AK4: variants seen among roughly 807,000 people sequenced by gnomAD.
AK4 encodes the protein adenylate kinase 4.
In AK4, 13 loss-of-function variants were observed where a neutral mutation model predicts 24.6. The ratio of observed to expected loss-of-function variants is 0.53; its 90% CI spans 0.34 to 0.84. The LOEUF is 0.84. Among genes scored for constraint, AK4 ranks in the 40% least tolerant of loss-of-function variants. AK4 has a pLI of 0.01. For missense variants in AK4, 192 were observed against 288.2 expected, an observed-to-expected ratio of 0.67 and a Z score of 2.42; for synonymous variants, 88 against 107.0, an observed-to-expected ratio of 0.82 and a Z score of 1.10.
intron 1 of AK4, among the ~76,000 whole-genome samples, chr1:65,160,025 A>G (rs1650107662): frequency 6.6e-6 from 1 of 151,106 alleles, no homozygotes; most frequent in Non-Finnish European, 1.5e-5. Context: ...AGAAAGGTTG[A>G]GTAACTTGTC....
At chr1:65,207,326 C>G (rs948101875) in intron 2 of AK4, among the ~76,000 whole-genome samples, 3 of 152,120 alleles carry the variant, frequency 2.0e-5, no homozygotes, top group African/African-American at 4.8e-5. Flanking sequence ...AAGAAGTCCT[C>G]CCATCTCAGC....
chr1:65,223,165 AAATAAATGTTATTTTT>A (rs1320070095), intron 3 of AK4, among the ~76,000 whole-genome samples: 1 of 151,784 alleles, frequency 6.6e-6, no homozygotes, highest in African/African-American at 2.4e-5. Flanking sequence ...AGTTTCACTA[AAATAAATGTTATTTTT>A]TATTTTTTAT....
chr1:65,223,735 C>CT (rs1652367071), intron 3 of AK4, among the ~76,000 whole-genome samples: 1 of 152,078 alleles, frequency 6.6e-6, no homozygotes, highest in Non-Finnish European at 1.5e-5. Context: ...TGGCTTATGC[C>CT]TGTAATACCA....
chr1:65,161,808 A>G (rs572390895), intron 1 of AK4, among the ~76,000 whole-genome samples: 1 of 152,314 alleles, frequency 6.6e-6, no homozygotes, highest in East Asian at 1.9e-4. Flanking sequence ...CTTGTACCTG[A>G]TATCTTCTGG....
chr1:65,216,987 G>A (rs894738574), intron 2 of AK4, among the ~76,000 whole-genome samples: 2 of 152,154 alleles, frequency 1.3e-5, no homozygotes, highest in South Asian at 2.1e-4. Context: ...AGGTGTGAGC[G>A]ACTGTGCCTG....
chr1:65,185,090 C>T (rs1651052481), intron 1 of AK4, among the ~76,000 whole-genome samples: 1 of 152,186 alleles, frequency 6.6e-6, no homozygotes, highest in African/African-American at 2.4e-5. Context: ...TCTCAAGGGG[C>T]ACATGAAGGT....
intron 1 of AK4, among the ~76,000 whole-genome samples, chr1:65,169,630 G>T (rs1650444668): frequency 6.6e-6 from 1 of 151,934 alleles, no homozygotes; most frequent in African/African-American, 2.4e-5. Context: ...AAGTTTAAGG[G>T]GGCACCAAAA....
At chr1:65,232,144 AATTC>A (rs1161006550) in exon 5 of AK4, 1 of 152,204 alleles carries the variant, frequency 6.6e-6, no homozygotes, top group African/African-American at 2.4e-5. Context: ...ATAGCTAGCG[AATTC>A]ATTTGTTTGT....
chr1:65,156,106 T>G (rs1178243324), intron 1 of AK4, among the ~76,000 whole-genome samples: 2 of 152,240 alleles, frequency 1.3e-5, no homozygotes, highest in African/African-American at 4.8e-5. Flanking sequence ...TAAGTACTCA[T>G]GTATAATTCC....
intron 2 of AK4, among the ~76,000 whole-genome samples, chr1:65,196,995 T>A (rs1651491710): frequency 6.6e-6 from 1 of 152,084 alleles, no homozygotes; most frequent in African/African-American, 2.4e-5. Context: ...ACTCCCATTT[T>A]TAAAACTATC....
intron 1 of AK4, among the ~76,000 whole-genome samples, chr1:65,151,666 C>G (rs1190492032): frequency 6.6e-6 from 1 of 152,168 alleles, no homozygotes; most frequent in African/African-American, 2.4e-5. Context: ...TATTAAAGGC[C>G]TGGGTCACAA....
chr1:65,183,902 A>T (rs1651000477), intron 1 of AK4, among the ~76,000 whole-genome samples: 1 of 152,144 alleles, frequency 6.6e-6, no homozygotes, highest in Non-Finnish European at 1.5e-5. Context: ...ATAAATGTGG[A>T]CAGCTTTAAT....
chr1:65,179,294 C>T (rs774542672), intron 1 of AK4, among the ~76,000 whole-genome samples: 5 of 152,140 alleles, frequency 3.3e-5, no homozygotes, highest in Non-Finnish European at 2.9e-5. Context: ...AGCATGTATG[C>T]TAACATGCAA....
chr1:65,191,923 T>A (rs556759285), intron 2 of AK4, among the ~76,000 whole-genome samples: 14 of 152,288 alleles, frequency 9.2e-5, no homozygotes, highest in Non-Finnish European at 1.8e-4. Flanking sequence ...GCACCATTCA[T>A]AAGAGAGTGG....
chr1:65,174,594 C>G (rs540310920), intron 1 of AK4, among the ~76,000 whole-genome samples: 39 of 152,294 alleles, frequency 2.6e-4, no homozygotes, highest in African/African-American at 8.9e-4. Flanking sequence ...AAGACCTGCC[C>G]TTGAGGTGTT....
chr1:65,206,273 G>T (rs911615929), intron 2 of AK4, among the ~76,000 whole-genome samples: 3 of 152,154 alleles, frequency 2.0e-5, no homozygotes, highest in Admixed American at 6.6e-5. Context: ...ACATCCAGTT[G>T]CAGACAGGTC....
rs1223393831 is a variant in AK4, at chr1:65,226,280, C to G, written c.*103C>G. On this transcript the variant is annotated 3_prime_UTR_variant, in exon 5 of 5. Transcript: ENST00000327299. Reference sequence around the variant, plus strand: ...AGAAGCTAGCTGAGGTAGCTTGCAGCATCTTTTCTAGTTGAAATGGTGAAC... The same window carrying G: ...AGAAGCTAGCTGAGGTAGCTTGCAGGATCTTTTCTAGTTGAAATGGTGAAC... The G allele has an allele frequency of 3.4e-6, 3 of 892,212 alleles. No individual in the cohort carries two copies. Among genetic ancestry groups the G allele is most frequent in the Non-Finnish European group, 5.0e-6 (3 of 594,082 alleles). 55.3% of individuals were successfully genotyped at this position (892,212 alleles called of 1,614,324 possible).
chr1:65,175,315 C>G (rs1650676005), intron 1 of AK4, among the ~76,000 whole-genome samples: 1 of 152,154 alleles, frequency 6.6e-6, no homozygotes, highest in East Asian at 1.9e-4. Flanking sequence ...ATTTTTGGAG[C>G]CCTTGCTGTA....
At chr1:65,181,400 CTT>C (rs111683862) in intron 1 of AK4, among the ~76,000 whole-genome samples, 17 of 142,426 alleles carry the variant, frequency 1.2e-4, no homozygotes, top group South Asian at 2.2e-4. Context: ...AGAATTAAGC[CTT>C]TTTTTTTTTT....
Sources: allele counts gnomAD v4.1 joint callset (sites outside exome capture counted in the v4.1 genomes callset), GRCh38; gene constraint gnomAD v4.1.1; transcripts MANE v1.5; gene names NCBI Gene and HGNC (gene_info 2026-07-23, HGNC 2026-07-21).